Variants in TIAM1 observed in about 807,000 individuals in gnomAD.
TIAM1 encodes rho guanine nucleotide exchange factor TIAM1.
TIAM1 carries 65 observed loss-of-function variants against 163.5 expected under a neutral mutation model. The ratio of observed to expected loss-of-function variants is 0.40; its 90% CI spans 0.33 to 0.49. The LOEUF is 0.49. TIAM1 is among the 20% of genes least tolerant of loss of function. The probability of loss-of-function intolerance (pLI) is 0.77; values close to 1 mark genes in which losing one functional copy is unlikely to be tolerated. For synonymous variants in TIAM1, 833 were observed against 810.1 expected, an observed-to-expected ratio of 1.03 and a Z score of -0.48; for missense variants, 1,789 against 2,044.7, an observed-to-expected ratio of 0.87 and a Z score of 2.41.
intron 2 of TIAM1, among the ~76,000 whole-genome samples, chr21:31,449,525 T>C (rs1302386806): frequency 2.0e-5 from 3 of 151,608 alleles, no homozygotes; most frequent in Non-Finnish European, 4.4e-5. Flanking sequence ...ATTACAGTCA[T>C]GCGCCACCAC....
chr21:31,141,105 T>TG lies in TIAM1; in HGVS notation c.3774+12dup. The TG allele has an allele frequency of 6.2e-7, 1 of 1,601,420 alleles. No homozygotes were observed. The highest frequency in any genetic ancestry group is 1.3e-5 in the African/African-American group (1 of 74,596). Reference sequence around the variant, plus strand: ...TTTCCTGACAGATGTCCTGAGAAGATGGGGACCCTCACCTCTTTTTTCTCA... The same window carrying TG: ...TTTCCTGACAGATGTCCTGAGAAGATGGGGGACCCTCACCTCTTTTTTCTCA... On this transcript the variant is annotated intron_variant, in intron 22 of 27. Coordinates refer to ENST00000541036, the MANE Select transcript of TIAM1 (RefSeq NM_001353694.2). The surrounding 1 kb of genome is among the most constrained non-coding windows in gnomAD (Gnocchi z 4.7).
intron 2 of TIAM1, among the ~76,000 whole-genome samples, chr21:31,463,311 G>A (rs1201490731): frequency 2.0e-5 from 3 of 152,078 alleles, no homozygotes; most frequent in Non-Finnish European, 2.9e-5. Context: ...CTTCCTTCTC[G>A]TGGACACATC....
intron 23 of TIAM1, among the ~76,000 whole-genome samples, chr21:31,131,339 G>C (rs1445783315): frequency 6.6e-6 from 1 of 152,162 alleles, no homozygotes; most frequent in African/African-American, 2.4e-5. Flanking sequence ...TGCTGAAGAT[G>C]ATTTACATTT....
intron 13 of TIAM1, among the ~76,000 whole-genome samples, chr21:31,194,614 T>G (rs1002725759): frequency 3.3e-5 from 5 of 152,222 alleles, no homozygotes; most frequent in Non-Finnish European, 7.3e-5. Context: ...TCACTCATGC[T>G]GGATGCCACA....
intron 1 of TIAM1, among the ~76,000 whole-genome samples, chr21:31,529,441 G>GAAAC (rs2047904206): frequency 1.3e-5 from 2 of 152,014 alleles, no homozygotes; most frequent in South Asian, 4.2e-4. Flanking sequence ...TAAGATTTCA[G>GAAAC]AAACGAGGAG....
At chr21:31,471,870 AAATAAT>A (rs551501073) in intron 1 of TIAM1, among the ~76,000 whole-genome samples, 8 of 118,934 alleles carry the variant, frequency 6.7e-5, no homozygotes, top group East Asian at 6.5e-4. Context: ...ACTCCATCTC[AAATAAT>A]AATAATAATA....
chr21:31,124,088 A>C (rs1012170550), intron 27 of TIAM1: 2 of 155,336 alleles, frequency 1.3e-5, no homozygotes, highest in African/African-American at 4.8e-5. Context: ...CAGGCCGTGA[A>C]GCCACCATGT....
chr21:31,161,791 C>T (rs2083935146), intron 16 of TIAM1, among the ~76,000 whole-genome samples: 1 of 152,142 alleles, frequency 6.6e-6, no homozygotes. Context: ...AATCATGCTT[C>T]CGAGTTTAGA....
upstream of TIAM1, among the ~76,000 whole-genome samples, chr21:31,348,718 AAAACACTGC>A (rs1189031227): frequency 2.0e-5 from 3 of 152,212 alleles, no homozygotes; most frequent in Non-Finnish European, 4.4e-5. Context: ...GACATGTTTG[AAAACACTGC>A]AAACACTTGT....
At chr21:31,326,954 C>G (rs1226987314) in intron 2 of TIAM1, among the ~76,000 whole-genome samples, 2 of 152,184 alleles carry the variant, frequency 1.3e-5, no homozygotes, top group African/African-American at 2.4e-5. Flanking sequence ...GGTCATATGC[C>G]AAAACGTTCA....
rs1569135693 is a variant in TIAM1, at chr21:31,266,878, A to G, written c.95T>C (p.Leu32Pro). Reference protein sequence around the residue: ...GRKHTSRSLRLSHKTRRTRHA... With the variant: ...GRKHTSRSLRPSHKTRRTRHA... ...CCTGGTCCTCCGCGTCTTGTGCGAG[A>G]GGCGCAGGGAGCGGGAAGTGTGCTT... The change falls in exon 4 of 28, where the codon CTC becomes CCC. Residue 32 changes from leucine (L) to proline (P), a missense_variant. Leu to Pro is a moderately conservative substitution (Grantham distance 98). This residue lies in a region of TIAM1 where 555 missense variants were observed against 564.9 expected (regional missense o/e 0.98). Coordinates refer to ENST00000541036, the MANE Select transcript of TIAM1 (RefSeq NM_001353694.2). 1 of 1,613,944 alleles carries G rather than the reference A, an allele frequency of 6.2e-7. No homozygotes were observed. The highest frequency in any genetic ancestry group is 1.3e-5 in the African/African-American group (1 of 74,912).
At chr21:31,544,522 G>A (rs1287202465) in intron 1 of TIAM1, among the ~76,000 whole-genome samples, 1 of 152,092 alleles carries the variant, frequency 6.6e-6, no homozygotes, top group African/African-American at 2.4e-5. Context: ...CAGCTACTCA[G>A]GAGGCTGAGG....
chr21:31,553,288 A>G lies in TIAM1; in HGVS notation c.-422+5639T>C, dbSNP rs115005710. Among the ~76,000 whole-genome samples the G allele has an allele frequency of 2.6e-3, 395 of 152,368 alleles. 2 individuals are homozygous for G. The highest frequency in any genetic ancestry group is 9.2e-3 in the African/African-American group (384 of 41,592). ...ACCCTGTGGTTATCAGTACCCAGGT[A>G]GCCCATATTATGCTAAAGAACTTGC... is the stretch of plus-strand genomic sequence containing the variant. On this transcript the variant is annotated intron_variant, in intron 1 of 28. Coordinates refer to the TIAM1 transcript ENST00000286827.
intron 1 of TIAM1, among the ~76,000 whole-genome samples, chr21:31,492,163 T>C (rs947714839): frequency 2.0e-5 from 3 of 152,042 alleles, no homozygotes; most frequent in African/African-American, 7.2e-5. Flanking sequence ...GACCCCAAAA[T>C]CGTTAAGCCA....
chr21:31,479,391 GGA>G (rs2046035296), intron 1 of TIAM1, among the ~76,000 whole-genome samples: 1 of 151,392 alleles, frequency 6.6e-6, no homozygotes, highest in Non-Finnish European at 1.5e-5. Flanking sequence ...ATGGATGGAT[GGA>G]TGGATGGACG....
intron 2 of TIAM1, among the ~76,000 whole-genome samples, chr21:31,429,229 T>C (rs1326827443): frequency 2.6e-5 from 4 of 152,154 alleles, no homozygotes; most frequent in African/African-American, 9.7e-5. Context: ...CTCGAACTCC[T>C]GGGCTCAAGT....
intron 2 of TIAM1, among the ~76,000 whole-genome samples, chr21:31,369,080 G>A (rs993077411): frequency 6.6e-6 from 1 of 152,056 alleles, no homozygotes; most frequent in Admixed American, 6.6e-5. Flanking sequence ...CAGAAAATTA[G>A]CCGGCCGTGG....
chr21:31,465,702 C>G (rs187145233), intron 1 of TIAM1, among the ~76,000 whole-genome samples: 55 of 152,268 alleles, frequency 3.6e-4, no homozygotes, highest in African/African-American at 1.2e-3. Flanking sequence ...TCCGGAGTAG[C>G]TGGGACTACA....
Position 31,395,665 on chromosome 21 carries a change from A to G in TIAM1, c.-368-56243T>C, listed in dbSNP as rs1272238813. Reference sequence around the variant, plus strand: ...GGGGTAGTAAAAGGTGCTGGACGAGAGAATAAATATTGACTAAAACATCTA... The same window carrying G: ...GGGGTAGTAAAAGGTGCTGGACGAGGGAATAAATATTGACTAAAACATCTA... On this transcript the variant is annotated intron_variant, in intron 2 of 28. Transcript: ENST00000286827. This position sits in a 1 kb window ranked among gnomAD's most constrained non-coding sequence, Gnocchi z 7.5. Among the ~76,000 whole-genome samples, 2 of 152,214 alleles carry G rather than the reference A, an allele frequency of 1.3e-5. No individual in the cohort carries two copies. The highest frequency in any genetic ancestry group is 4.8e-5 in the African/African-American group (2 of 41,462).
Sources: allele counts gnomAD v4.1 joint callset (sites outside exome capture counted in the v4.1 genomes callset), GRCh38; gene constraint gnomAD v4.1.1; regional missense constraint gnomAD v4.1.1; non-coding constraint Gnocchi (gnomAD v3.1); transcripts MANE v1.5; gene names NCBI Gene and HGNC (gene_info 2026-07-23, HGNC 2026-07-21).